Variants in JARID2 observed in about 807,000 individuals in gnomAD.
JARID2 encodes jumonji and AT-rich interaction domain containing 2, also known as protein Jumonji.
Under a neutral mutation model 125.6 loss-of-function variants are expected in JARID2, and 21 were observed. The ratio of observed to expected loss-of-function variants is 0.17; its 90% CI spans 0.12 to 0.24. JARID2 has a LOEUF of 0.24. JARID2 is among the 10% of genes least tolerant of loss of function. The pLI, the probability that JARID2 is intolerant of heterozygous loss-of-function variation, is 1.00. For missense variants in JARID2, 1,303 were observed against 1,639.6 expected, an observed-to-expected ratio of 0.79 and a Z score of 3.55; for synonymous variants, 736 against 661.6, an observed-to-expected ratio of 1.11 and a Z score of -1.73.
intron 3 of JARID2, among the ~76,000 whole-genome samples, chr6:15,420,960 C>A (rs1037268613): frequency 1.1e-4 from 16 of 152,232 alleles, no homozygotes; most frequent in African/African-American, 3.6e-4. Flanking sequence ...TCTTGGGTAG[C>A]TTCCTAACAC....
At chr6:15,432,149 C>A (rs1458577831) in intron 3 of JARID2, among the ~76,000 whole-genome samples, 2 of 151,926 alleles carry the variant, frequency 1.3e-5, no homozygotes, top group Non-Finnish European at 2.9e-5. Context: ...ACTCTACAGG[C>A]CGGGTGTGGT....
intron 5 of JARID2, among the ~76,000 whole-genome samples, chr6:15,470,341 C>T (rs1339421857): frequency 2.0e-5 from 3 of 152,162 alleles, no homozygotes; most frequent in East Asian, 1.9e-4. Context: ...CTACAAATGG[C>T]GGAAAATCAG....
chr6:15,444,839 C>G (rs572374423), intron 3 of JARID2, among the ~76,000 whole-genome samples: 55 of 141,380 alleles, frequency 3.9e-4, no homozygotes, highest in Non-Finnish European at 6.8e-4. Flanking sequence ...GATTTACCAG[C>G]TTACGTTTTT....
intron 1 of JARID2, among the ~76,000 whole-genome samples, chr6:15,305,281 C>T (rs1378316770): frequency 3.3e-5 from 5 of 152,020 alleles, no homozygotes; most frequent in Non-Finnish European, 7.4e-5. Flanking sequence ...CTTTATGTAG[C>T]GTAATGCAGG....
At chr6:15,461,392 G>A (rs980814518) in intron 4 of JARID2, among the ~76,000 whole-genome samples, 3 of 152,170 alleles carry the variant, frequency 2.0e-5, no homozygotes, top group Admixed American at 6.5e-5. Context: ...GATTAGATAG[G>A]CACACCTGGG....
At chr6:15,332,930 C>CTT (rs1319288795) in intron 1 of JARID2, among the ~76,000 whole-genome samples, 35 of 82,818 alleles carry the variant, frequency 4.2e-4, no homozygotes, top group African/African-American at 9.8e-4. Context: ...CTTTTCTTTT[C>CTT]TTTTCTTTTT....
At chr6:15,465,520 C>T (rs1429948295) in intron 4 of JARID2, among the ~76,000 whole-genome samples, 2 of 151,364 alleles carry the variant, frequency 1.3e-5, no homozygotes, top group Non-Finnish European at 3.0e-5. Flanking sequence ...GATATTTTCT[C>T]CATTTTAGTT....
intron 16 of JARID2, among the ~76,000 whole-genome samples, chr6:15,514,574 G>C (rs774553404): frequency 6.6e-6 from 1 of 152,170 alleles, no homozygotes; most frequent in African/African-American, 2.4e-5. Flanking sequence ...CTCACCCCGA[G>C]TCCTGGCGTG....
chr6:15,327,983 C>T lies in JARID2; in HGVS notation c.46-46134C>T, dbSNP rs377563537. The stretch of plus-strand genomic sequence containing the variant: ...TATCTTGTTTGTTTTCAGAGAACCC[C>T]TACCATCCCCAGCCTAGCCACCTTT... On this transcript the variant is annotated intron_variant, in intron 1 of 17. Transcript: ENST00000341776. Among the ~76,000 whole-genome samples, 192 of 152,262 alleles carry T rather than the reference C, an allele frequency of 1.3e-3. 3 individuals carry two copies. In the South Asian group the frequency reaches 0.036, roughly 29 times the overall value.
At chr6:15,413,773 T>TC (rs1365494929) in intron 3 of JARID2, among the ~76,000 whole-genome samples, 1 of 152,132 alleles carries the variant, frequency 6.6e-6, no homozygotes, top group African/African-American at 2.4e-5. Context: ...TCCACGCCTG[T>TC]CTAAGCTTGC....
At chr6:15,474,748 C>T (rs1322695867) in intron 5 of JARID2, among the ~76,000 whole-genome samples, 1 of 149,442 alleles carries the variant, frequency 6.7e-6, no homozygotes, top group East Asian at 1.9e-4. Context: ...GGTGAAGGTT[C>T]CCAACTAAAA....
At chr6:15,433,489 TCCTA>T (rs1767060850) in intron 3 of JARID2, among the ~76,000 whole-genome samples, 1 of 149,378 alleles carries the variant, frequency 6.7e-6, no homozygotes, top group Non-Finnish European at 1.5e-5. Context: ...GTGGCGTGCA[TCCTA>T]CCTAAGGGCA....
chr6:15,410,334 T>C lies in JARID2; in HGVS notation c.292T>C (p.Ser98Pro). The C allele has an allele frequency of 2.5e-6, 4 of 1,614,104 alleles. No homozygotes were observed. The highest frequency in any genetic ancestry group is 2.5e-6 in the Non-Finnish European group (3 of 1,179,988). The change falls in exon 3 of 18, where the codon TCA becomes CCA. Residue 98 changes from serine to proline, a missense_variant. Transcript: ENST00000341776. ...CTCCACTAGCAACGATGTTAGTTCT[T>C]CAGATTTTGAAGAAGGGCCGTCGAG... ...VSSTSNDVSS[S>P]DFEEGPSRKR...
rs565038652 is a variant in JARID2, at chr6:15,271,893, G to A, written c.45+25309G>A. ...TGTGTGCCTGTAATCCCAGCTACTC[G>A]GGAGGCTGAGGCAGGAGAATCGCCT... On this transcript the variant is annotated intron_variant, in intron 1 of 17. Coordinates refer to ENST00000341776, the MANE Select transcript of JARID2 (RefSeq NM_004973.4). Among the ~76,000 whole-genome samples, 10 of 152,284 alleles carry A rather than the reference G, an allele frequency of 6.6e-5. No individual in the cohort carries two copies. The East Asian group carries it at 9.6e-4, about 15-fold the overall frequency.
chr6:15,325,620 G>A (rs962088012), intron 1 of JARID2, among the ~76,000 whole-genome samples: 4 of 152,158 alleles, frequency 2.6e-5, no homozygotes, highest in African/African-American at 9.7e-5. Context: ...AAAGAGGATC[G>A]TAGAAATCTT....
chr6:15,438,105 T>TGG (rs1767290791), intron 3 of JARID2, among the ~76,000 whole-genome samples: 1 of 152,088 alleles, frequency 6.6e-6, no homozygotes, highest in Admixed American at 6.5e-5. Context: ...GGTGGTGGGA[T>TGG]GGGGAGGAAA....
intron 4 of JARID2, among the ~76,000 whole-genome samples, chr6:15,465,809 TGTTTG>T (rs1490225907): frequency 4.0e-5 from 6 of 148,506 alleles, no homozygotes; most frequent in Admixed American, 6.6e-5. Context: ...TTTGTTTGTT[TGTTTG>T]TTTTTTTGAG....
At chr6:15,286,530 A>G (rs184421283) in intron 1 of JARID2, among the ~76,000 whole-genome samples, 1 of 149,642 alleles carries the variant, frequency 6.7e-6, no homozygotes, top group Non-Finnish European at 1.5e-5. Flanking sequence ...GATTACAGGC[A>G]TGAGGTACAG....
intron 1 of JARID2, among the ~76,000 whole-genome samples, chr6:15,264,638 TGTGA>T (rs964787811): frequency 1.0e-4 from 15 of 148,524 alleles, no homozygotes; most frequent in African/African-American, 2.9e-4. Context: ...TGTGTGTGTG[TGTGA>T]GAGAGAGAGA....
Sources: allele counts gnomAD v4.1 joint callset (sites outside exome capture counted in the v4.1 genomes callset), GRCh38; gene constraint gnomAD v4.1.1; transcripts MANE v1.5; gene names NCBI Gene and HGNC (gene_info 2026-07-23, HGNC 2026-07-21).